PARD3: variants seen among roughly 807,000 people sequenced by gnomAD.
PARD3 encodes the protein partitioning defective 3 homolog.
In PARD3, 75 loss-of-function variants were observed where a neutral mutation model predicts 155.4. The ratio of observed to expected loss-of-function variants is 0.48; its 90% CI spans 0.40 to 0.58. The LOEUF is 0.58. Ranked by LOEUF, PARD3 falls within the 20% of genes least tolerant of loss-of-function variation. The pLI, the probability that PARD3 is intolerant of heterozygous loss-of-function variation, is 0.00. For missense variants in PARD3, 1,642 were observed against 1,721.7 expected, an observed-to-expected ratio of 0.95 and a Z score of 0.82; for synonymous variants, 576 against 610.5, an observed-to-expected ratio of 0.94 and a Z score of 0.83.
intron 22 of PARD3, among the ~76,000 whole-genome samples, chr10:34,149,283 T>G (rs1049052299): frequency 6.6e-6 from 1 of 152,132 alleles, no homozygotes; most frequent in Admixed American, 6.5e-5. Context: ...TGAAACAGAC[T>G]TCCCCCTTTC....
At chr10:34,757,226 G>A (rs973568648) in intron 1 of PARD3, among the ~76,000 whole-genome samples, 16 of 152,266 alleles carry the variant, frequency 1.1e-4, no homozygotes, top group African/African-American at 3.9e-4. Flanking sequence ...CAGTGATCAT[G>A]ACTGAAAATT....
chr10:34,229,435 A>G (rs1049957155), intron 22 of PARD3, among the ~76,000 whole-genome samples: 4 of 151,954 alleles, frequency 2.6e-5, no homozygotes, highest in Admixed American at 2.6e-4. Context: ...TATTCTAGTG[A>G]TAGGGTCTTG....
At chr10:34,737,651 C>CAA (rs1434912566) in intron 1 of PARD3, among the ~76,000 whole-genome samples, 3 of 152,170 alleles carry the variant, frequency 2.0e-5, no homozygotes, top group Non-Finnish European at 4.4e-5. Flanking sequence ...CTCGGCTCCC[C>CAA]CACCACGTGA....
rs200115114 is a variant in PARD3, at chr10:34,239,802, C to CAA, written c.3419+29853_3419+29854dup. 3.4e-3 allele frequency among the ~76,000 whole-genome samples: 404 copies of CAA among 120,390 alleles called. 6 individuals carry two copies. Among genetic ancestry groups the CAA allele is most frequent in the African/African-American group, 0.011 (351 of 31,346 alleles). The allele number at this position is 120,390 out of a possible 152,430, so 79.0% of individuals were successfully genotyped here. A position where few individuals can be genotyped will look rare whatever the true frequency, so the allele number is the denominator to read the frequency against. ...TGGGCAATGGAGTGACACTCCATCTCAAAAAAAAAAAAAAAATTGGTGTTT... is the reference window on the plus strand; with the variant it reads ...TGGGCAATGGAGTGACACTCCATCTCAAAAAAAAAAAAAAAAAATTGGTGTTT... On this transcript the variant is annotated intron_variant, in intron 22 of 24. Coordinates refer to ENST00000374788, the MANE Select transcript of PARD3 (RefSeq NM_001184785.2).
intron 2 of PARD3, among the ~76,000 whole-genome samples, chr10:34,597,580 C>A (rs1219479885): frequency 1.3e-5 from 2 of 152,116 alleles, no homozygotes; most frequent in African/African-American, 4.8e-5. Context: ...AGGCGTAAGC[C>A]ACCACATCCA....
chr10:34,247,250 C>T (rs1954014043), intron 22 of PARD3, among the ~76,000 whole-genome samples: 1 of 152,092 alleles, frequency 6.6e-6, no homozygotes, highest in African/African-American at 2.4e-5. Context: ...ACCTGTAATC[C>T]CAGCACTGTG....
rs1488093182 is a variant in PARD3 at position 34,663,358 on chromosome 10, C to A, written c.222+32960G>T. ...GTGCATGCCTGTAATCTTAGCTACT[C>A]GGGAGGCTGAGGCAGGAGAATTGCT... On this transcript the variant is annotated intron_variant, in intron 2 of 24. Transcript: ENST00000374788. Among the ~76,000 whole-genome samples the A allele has an allele frequency of 2.0e-5, 3 of 151,924 alleles. No individual in the cohort carries two copies. The South Asian group carries it at 6.2e-4, about 32-fold the overall frequency.
intron 1 of PARD3, among the ~76,000 whole-genome samples, chr10:34,761,581 G>A (rs948455323): frequency 1.3e-5 from 2 of 152,082 alleles, no homozygotes; most frequent in Non-Finnish European, 2.9e-5. Context: ...AAAATTCCTG[G>A]GAGATTTCCA....
At chr10:34,276,482 G>A (rs986052448) in intron 21 of PARD3, among the ~76,000 whole-genome samples, 10 of 152,214 alleles carry the variant, frequency 6.6e-5, no homozygotes, top group Middle Eastern at 3.4e-3. Flanking sequence ...GATGACGCTC[G>A]ATGAAGATAA....
chr10:34,186,029 G>A (rs1336046699), intron 22 of PARD3, among the ~76,000 whole-genome samples: 3 of 151,876 alleles, frequency 2.0e-5, no homozygotes, highest in African/African-American at 4.8e-5. Context: ...AAAATTGCAG[G>A]GCCAGTGAAG....
At chr10:34,290,082 T>C (rs1956601890) in intron 20 of PARD3, among the ~76,000 whole-genome samples, 1 of 152,226 alleles carries the variant, frequency 6.6e-6, no homozygotes, top group Non-Finnish European at 1.5e-5. Flanking sequence ...TGAAATATTT[T>C]ACTATTTAAA....
At position 34,317,228 on chromosome 10, in the gene PARD3, C is replaced by G; in HGVS notation, c.2944G>C (p.Gly982Arg). 3.7e-6 allele frequency: 6 copies of G among 1,613,776 alleles called. No homozygotes were observed. The highest frequency in any genetic ancestry group is 5.1e-6 in the Non-Finnish European group (6 of 1,179,976). Residue 982 changes from glycine to arginine, a missense_variant, in exon 20 of 25, where the codon GGT becomes CGT. By Grantham distance (125) the Gly-to-Arg change is moderately radical. Coordinates refer to ENST00000374788, the MANE Select transcript of PARD3 (RefSeq NM_001184785.2). ...TCCTTTTTTCTATCAGTCTTATCACCTTTCTCTTGGTTTCCATTCATTTGT... is the reference window on the plus strand; with the variant it reads ...TCCTTTTTTCTATCAGTCTTATCACGTTTCTCTTGGTTTCCATTCATTTGT... ...ERQMNGNQEK[G>R]DKTDRKKDKT...
chr10:34,695,643 G>A (rs925762435), intron 2 of PARD3, among the ~76,000 whole-genome samples: 7 of 152,262 alleles, frequency 4.6e-5, no homozygotes, highest in African/African-American at 1.7e-4. Context: ...ACACTGAAGA[G>A]CAGTAGGTGG....
At chr10:34,540,017 C>T (rs1371978717) in intron 2 of PARD3, among the ~76,000 whole-genome samples, 1 of 152,190 alleles carries the variant, frequency 6.6e-6, no homozygotes, top group Non-Finnish European at 1.5e-5. Flanking sequence ...GAAAACCACA[C>T]CAAGTGTGCA....
At chr10:34,321,404 T>G (rs1161123244) in intron 19 of PARD3, among the ~76,000 whole-genome samples, 1 of 152,210 alleles carries the variant, frequency 6.6e-6, no homozygotes, top group Non-Finnish European at 1.5e-5. Context: ...TCTTTAATTT[T>G]GCTCATTTTG....
intron 3 of PARD3, among the ~76,000 whole-genome samples, chr10:34,486,422 T>A (rs554154068): frequency 1.3e-5 from 2 of 152,172 alleles, no homozygotes; most frequent in African/African-American, 4.8e-5. Context: ...TTCAGGGCAA[T>A]GGTGGTGGTG....
intron 2 of PARD3, among the ~76,000 whole-genome samples, chr10:34,657,273 A>G (rs930862657): frequency 6.6e-5 from 10 of 152,126 alleles, no homozygotes; most frequent in Non-Finnish European, 1.2e-4. Context: ...GAACATGCAC[A>G]CTTTCAAACA....
chr10:34,523,617 G>A (rs946707976), intron 2 of PARD3, among the ~76,000 whole-genome samples: 1 of 152,148 alleles, frequency 6.6e-6, no homozygotes, highest in Non-Finnish European at 1.5e-5. Context: ...CACAGAAAGT[G>A]CGTGTTTGAG....
In PARD3 at chr10:34,470,075, AGGTG is replaced by A; in HGVS notation, c.582+6_582+9del. 6.3e-7 allele frequency: 1 copy of A among 1,584,730 alleles called. No individual in the cohort carries two copies. Among genetic ancestry groups the A allele is most frequent in the Non-Finnish European group, 8.6e-7 (1 of 1,163,984 alleles). ...GCAAGAGACAGCAGCAAACAAGCAG[AGGTG>A]GTTACCTTCCTGTCGCAGGTTTTAG... On this transcript the variant is annotated splice_donor_region_variant and intron_variant, in intron 4 of 24. Coordinates refer to ENST00000374788, the MANE Select transcript of PARD3 (RefSeq NM_001184785.2).
Sources: gnomAD v4.1 joint callset for allele counts (sites outside exome capture counted in the v4.1 genomes callset) on GRCh38, gnomAD v4.1.1 for gene constraint, MANE v1.5 for transcripts, NCBI Gene and HGNC (gene_info 2026-07-23, HGNC 2026-07-21) for gene names.